Variants in KCNQ3 observed in about 807,000 individuals in gnomAD.
The protein encoded by KCNQ3 is potassium voltage-gated channel subfamily KQT member 3.
Under a neutral mutation model 92.5 loss-of-function variants are expected in KCNQ3, and 30 were observed. The ratio of observed to expected loss-of-function variants is 0.32; its 90% CI spans 0.24 to 0.44. KCNQ3 has a LOEUF of 0.44. Among genes scored for constraint, KCNQ3 ranks in the 20% least tolerant of loss-of-function variants. The probability of loss-of-function intolerance (pLI) is 1.00; values close to 1 mark genes in which losing one functional copy is unlikely to be tolerated. For missense variants in KCNQ3, 913 were observed against 1,140.3 expected (o/e 0.80, Z 2.87); for synonymous variants, 450 against 468.8 (o/e 0.96, Z 0.52).
At chr8:132,155,658 C>G (rs1825778884) in intron 9 of KCNQ3, among the ~76,000 whole-genome samples, 1 of 152,174 alleles carries the variant, frequency 6.6e-6, no homozygotes, top group Non-Finnish European at 1.5e-5. Context: ...CGTGCAACGT[C>G]TAACGTGGCA....
intron 1 of KCNQ3, among the ~76,000 whole-genome samples, chr8:132,240,454 C>T (rs967072938): frequency 1.2e-4 from 18 of 152,100 alleles, no homozygotes; most frequent in African/African-American, 3.6e-4. Flanking sequence ...CCAAAGTGCT[C>T]GGATTACAGG....
chr8:132,448,696 C>T (rs1408105386), intron 1 of KCNQ3, among the ~76,000 whole-genome samples: 1 of 152,164 alleles, frequency 6.6e-6, no homozygotes, highest in African/African-American at 2.4e-5. Flanking sequence ...TTCCAACCCA[C>T]GATCTGTGCC....
chr8:132,130,995 T>C (rs888966703), intron 14 of KCNQ3, among the ~76,000 whole-genome samples: 1 of 152,188 alleles, frequency 6.6e-6, no homozygotes, highest in Admixed American at 6.5e-5. Flanking sequence ...CATCTGAGCC[T>C]CAATAATAAC....
chr8:132,196,720 G>A (rs1225204731), intron 1 of KCNQ3, among the ~76,000 whole-genome samples: 2 of 152,206 alleles, frequency 1.3e-5, no homozygotes, highest in African/African-American at 2.4e-5. Flanking sequence ...GGTCCCCAAG[G>A]CCTGTCAGGG....
chr8:132,266,823 G>A (rs1283257796), intron 1 of KCNQ3, among the ~76,000 whole-genome samples: 1 of 152,184 alleles, frequency 6.6e-6, no homozygotes, highest in East Asian at 1.9e-4. Flanking sequence ...CAGGACCACA[G>A]TTGGAAAACT....
chr8:132,294,608 T>C (rs1225494002), intron 1 of KCNQ3, among the ~76,000 whole-genome samples: 2 of 152,186 alleles, frequency 1.3e-5, no homozygotes, highest in Non-Finnish European at 2.9e-5. Flanking sequence ...TTGTGGAACG[T>C]TTGGTGAGAT....
intron 1 of KCNQ3, among the ~76,000 whole-genome samples, chr8:132,299,183 T>C (rs1203079188): frequency 6.7e-6 from 1 of 149,738 alleles, no homozygotes; most frequent in Admixed American, 6.7e-5. Flanking sequence ...TATATATATA[T>C]GGTACATGAG....
At chr8:132,430,655 C>T (rs1481539019) in intron 1 of KCNQ3, among the ~76,000 whole-genome samples, 2 of 152,184 alleles carry the variant, frequency 1.3e-5, no homozygotes, top group South Asian at 2.1e-4. Flanking sequence ...GTGAGGAAAC[C>T]GGTCATCACC....
At chr8:132,173,160 C>A (rs550074892) in intron 6 of KCNQ3, among the ~76,000 whole-genome samples, 1 of 152,138 alleles carries the variant, frequency 6.6e-6, no homozygotes, top group Non-Finnish European at 1.5e-5. Flanking sequence ...TGACTATAGC[C>A]GGAACTTCCC....
At chr8:132,436,398 T>C (rs1025337865) in intron 1 of KCNQ3, among the ~76,000 whole-genome samples, 12 of 152,230 alleles carry the variant, frequency 7.9e-5, no homozygotes, top group Non-Finnish European at 1.3e-4. Flanking sequence ...TCTAGATCCA[T>C]GCGGAATACC....
intron 1 of KCNQ3, among the ~76,000 whole-genome samples, chr8:132,190,828 C>A (rs921760505): frequency 6.6e-6 from 1 of 152,192 alleles, no homozygotes; most frequent in Non-Finnish European, 1.5e-5. Flanking sequence ...TGGGAATCTG[C>A]ACCAAATGCA....
At chr8:132,342,293 C>T (rs1014333519) in intron 1 of KCNQ3, among the ~76,000 whole-genome samples, 1 of 151,934 alleles carries the variant, frequency 6.6e-6, no homozygotes, top group African/African-American at 2.4e-5. Flanking sequence ...CCAACTCTGT[C>T]CCCATCCATT....
chr8:132,172,844 C>T, intron 6 of KCNQ3, 151 bp from the exon 7 acceptor site: 1 of 685,998 alleles, frequency 1.5e-6, no homozygotes. Context: ...GGGGAAAGAG[C>T]CCTTCCTTCT....
chr8:132,251,206 G>A (rs774104482), intron 1 of KCNQ3, among the ~76,000 whole-genome samples: 50 of 152,106 alleles, frequency 3.3e-4, no homozygotes, highest in Non-Finnish European at 6.9e-4. Context: ...GGTGGAGGAG[G>A]CAGTGAGCCA....
At chr8:132,247,642 A>G (rs1032634723) in intron 1 of KCNQ3, among the ~76,000 whole-genome samples, 2 of 151,872 alleles carry the variant, frequency 1.3e-5, no homozygotes, top group Non-Finnish European at 2.9e-5. Flanking sequence ...TAAAAATATA[A>G]AAAAAATTAG....
At chr8:132,274,524 A>T (rs1816264005) in intron 1 of KCNQ3, among the ~76,000 whole-genome samples, 1 of 152,190 alleles carries the variant, frequency 6.6e-6, no homozygotes, top group African/African-American at 2.4e-5. Flanking sequence ...AACAGGGTTC[A>T]ACTAGCCTGC....
intron 8 of KCNQ3, among the ~76,000 whole-genome samples, chr8:132,165,303 C>T (rs1826113146): frequency 6.6e-6 from 1 of 152,198 alleles, no homozygotes. Context: ...AGGAAAGGAC[C>T]AGTGCAGTTG....
intron 1 of KCNQ3, among the ~76,000 whole-genome samples, chr8:132,372,125 T>C (rs1819488091): frequency 6.6e-6 from 1 of 152,110 alleles, no homozygotes; most frequent in Admixed American, 6.6e-5. Context: ...TGCAGCCCCA[T>C]CTCCAGCAGG....
intron 1 of KCNQ3, among the ~76,000 whole-genome samples, chr8:132,396,802 T>C (rs1013372431): frequency 6.6e-5 from 10 of 152,098 alleles, no homozygotes; most frequent in African/African-American, 2.4e-4. Flanking sequence ...CCTGAATTCA[T>C]TAAGAGCAGA....
Sources: gnomAD v4.1 joint callset for allele counts (sites outside exome capture counted in the v4.1 genomes callset) on GRCh38, gnomAD v4.1.1 for gene constraint, MANE v1.5 for transcripts, NCBI Gene and HGNC (gene_info 2026-07-23, HGNC 2026-07-21) for gene names.